BABAM2: variants seen among roughly 807,000 people sequenced by gnomAD.
The protein encoded by BABAM2 is BRISC and BRCA1 A complex member 2, also known as BRISC and BRCA1-A complex member 2.
BABAM2 carries 31 observed loss-of-function variants against 54.7 expected under a neutral mutation model. The ratio of observed to expected loss-of-function variants is 0.57; its 90% CI spans 0.43 to 0.77. The LOEUF (loss-of-function observed/expected upper bound fraction) is 0.77. BABAM2 is among the 30% of genes least tolerant of loss of function. The pLI, the probability that BABAM2 is intolerant of heterozygous loss-of-function variation, is 0.00. For synonymous variants in BABAM2, 167 were observed against 162.9 expected (o/e 1.03, Z -0.19); for missense variants, 364 against 455.8 (o/e 0.80, Z 1.83).
intron 3 of BABAM2, among the ~76,000 whole-genome samples, chr2:27,933,255 A>T (rs1011256944): frequency 6.6e-6 from 1 of 152,136 alleles, no homozygotes; most frequent in South Asian, 2.1e-4. Flanking sequence ...GGATATCGTC[A>T]TTATACATTG....
At chr2:28,102,063 GA>G (rs1431958996) in intron 6 of BABAM2, among the ~76,000 whole-genome samples, 1 of 152,152 alleles carries the variant, frequency 6.6e-6, no homozygotes, top group East Asian at 1.9e-4. Context: ...GGCTATTTAT[GA>G]ATTGGCTGAC....
chr2:28,026,826 A>ATATAAATATATATT, intron 5 of BABAM2, among the ~76,000 whole-genome samples: 1 of 68,058 alleles, frequency 1.5e-5, no homozygotes, highest in Non-Finnish European at 2.5e-5. Flanking sequence ...ATATATTTAT[A>ATATAAATATATATT]TATATAAATA....
At chr2:28,172,112 TGTG>T (rs1558403971) in intron 7 of BABAM2, among the ~76,000 whole-genome samples, 1 of 150,810 alleles carries the variant, frequency 6.6e-6, no homozygotes, top group Non-Finnish European at 1.5e-5. Flanking sequence ...TGTGTGTGTG[TGTG>T]GTGTGTGTGT....
chr2:27,993,270 G>A (rs1672903812), intron 4 of BABAM2, among the ~76,000 whole-genome samples: 1 of 152,198 alleles, frequency 6.6e-6, no homozygotes, highest in African/African-American at 2.4e-5. Flanking sequence ...AATTTGAAGA[G>A]TGCCTGGTAT....
Position 28,325,167 on chromosome 2 carries a change from C to T in BABAM2, c.1089-13283C>T, listed in dbSNP as rs556196520. On this transcript the variant is annotated intron_variant, in intron 11 of 11. Coordinates refer to ENST00000379624, the MANE Select transcript of BABAM2 (RefSeq NM_199191.3). This position sits in a 1 kb window ranked among gnomAD's most constrained non-coding sequence, Gnocchi z 4.3. ...CCACTGTTTGAACAAGCCTTCTTTACACCATGTGTGGATATCATTCATCCA... is the reference window on the plus strand; with the variant it reads ...CCACTGTTTGAACAAGCCTTCTTTATACCATGTGTGGATATCATTCATCCA... Among the ~76,000 whole-genome samples the T allele has an allele frequency of 2.0e-5, 3 of 152,346 alleles. No homozygotes were observed. The highest frequency in any genetic ancestry group is 4.1e-4 in the South Asian group (2 of 4,824).
Position 28,016,239 on chromosome 2 carries a change from T to C in BABAM2, c.301-8987T>C, listed in dbSNP as rs199632598. 2,077 of 918,778 alleles carry C rather than the reference T, an allele frequency of 2.3e-3. 13 individuals carry two copies. The Middle Eastern group carries it at 0.03, about 13-fold the overall frequency. The allele number at this position is 918,778 out of a possible 1,614,324, so 56.9% of individuals were successfully genotyped here. A position where few individuals can be genotyped will look rare whatever the true frequency, so the allele number is the denominator to read the frequency against. On this transcript the variant is annotated intron_variant, in intron 4 of 11. Coordinates refer to ENST00000379624, the MANE Select transcript of BABAM2 (RefSeq NM_199191.3). The stretch of plus-strand genomic sequence containing the variant: ...TTTTTGGATGAGCTCTCACTTGCAC[T>C]TAACAATTTCCCCCTGTGTTTTTCT...
chr2:28,212,446 C>A (rs1394427394), intron 7 of BABAM2, among the ~76,000 whole-genome samples: 1 of 152,192 alleles, frequency 6.6e-6, no homozygotes, highest in African/African-American at 2.4e-5. Flanking sequence ...AGTGAAGTCT[C>A]TCTTTTACCC....
chr2:27,974,003 AGATT>A (rs1373887284), intron 3 of BABAM2, among the ~76,000 whole-genome samples: 14 of 152,230 alleles, frequency 9.2e-5, no homozygotes, highest in African/African-American at 3.1e-4. Flanking sequence ...AGAAAGAAAT[AGATT>A]ATCTGATTAA....
intron 8 of BABAM2, among the ~76,000 whole-genome samples, chr2:28,240,612 G>A (rs1048198585): frequency 6.6e-6 from 1 of 152,110 alleles, no homozygotes; most frequent in Non-Finnish European, 1.5e-5. Flanking sequence ...GCTCACACCT[G>A]TAATCCTAGG....
intron 4 of BABAM2, among the ~76,000 whole-genome samples, chr2:28,005,144 T>C (rs947719100): frequency 6.6e-6 from 1 of 152,194 alleles, no homozygotes; most frequent in Admixed American, 6.5e-5. Context: ...TATATTTTTA[T>C]TGATATATAA....
chr2:28,155,897 A>G (rs572324689), intron 7 of BABAM2, among the ~76,000 whole-genome samples: 1 of 152,272 alleles, frequency 6.6e-6, no homozygotes, highest in South Asian at 2.1e-4. Context: ...GGAAGTGTGA[A>G]ATTAGTTGTT....
Position 28,304,200 on chromosome 2 carries a change from C to T in BABAM2, c.1088+5709C>T, listed in dbSNP as rs1235999216. Among the ~76,000 whole-genome samples, 2 of 150,740 alleles carry T rather than the reference C, an allele frequency of 1.3e-5. No homozygotes were observed. The highest frequency in any genetic ancestry group is 4.8e-5 in the African/African-American group (2 of 41,278). ...CCTTCCTAGTAGCTGGGATTACAGG[C>T]GCCCGCCACTATGCCCGGCCAATTT... On this transcript the variant is annotated intron_variant, in intron 11 of 11. Transcript: ENST00000379624. This position sits in a 1 kb window ranked among gnomAD's most constrained non-coding sequence, Gnocchi z 4.0.
At chr2:28,061,275 A>G (rs1678839297) in intron 6 of BABAM2, among the ~76,000 whole-genome samples, 1 of 151,972 alleles carries the variant, frequency 6.6e-6, no homozygotes. Context: ...GAACAATTGG[A>G]TATCTATATT....
At chr2:28,159,346 C>A (rs536933225) in intron 7 of BABAM2, among the ~76,000 whole-genome samples, 2 of 152,072 alleles carry the variant, frequency 1.3e-5, no homozygotes, top group Admixed American at 6.5e-5. Context: ...GAGGTGTGCA[C>A]GTAGAACCAT....
chr2:28,312,178 A>G (rs138741954), intron 11 of BABAM2, among the ~76,000 whole-genome samples: 1 of 152,276 alleles, frequency 6.6e-6, no homozygotes, highest in East Asian at 1.9e-4. Flanking sequence ...GCATCAAAGA[A>G]CCATCAGGAT....
At chr2:28,150,884 TA>T (rs1055667828) in intron 7 of BABAM2, among the ~76,000 whole-genome samples, 2 of 152,084 alleles carry the variant, frequency 1.3e-5, no homozygotes, top group East Asian at 1.9e-4. Flanking sequence ...ATGTATTTTT[TA>T]AAAAAAACAA....
intron 2 of BABAM2, chr2:27,896,550 C>T (rs1665338905): frequency 6.6e-6 from 1 of 152,478 alleles, no homozygotes; most frequent in African/African-American, 2.4e-5. Context: ...AGAGTTAGAT[C>T]CATCACACAC....
chr2:27,947,841 A>G (rs1669414673), intron 3 of BABAM2, among the ~76,000 whole-genome samples: 1 of 152,196 alleles, frequency 6.6e-6, no homozygotes, highest in Admixed American at 6.5e-5. Flanking sequence ...CATCTGATGA[A>G]AAGAATGCTC....
rs552085511 is a variant in BABAM2, at chr2:27,907,745, T to C, written c.128+13061T>C. 4.6e-5 allele frequency among the ~76,000 whole-genome samples: 7 copies of C among 152,334 alleles called. No homozygotes were observed. The East Asian group carries it at 1.3e-3, about 29-fold the overall frequency. On this transcript the variant is annotated intron_variant, in intron 2 of 11. Coordinates refer to ENST00000379624, the MANE Select transcript of BABAM2 (RefSeq NM_199191.3). ...TATCTGTCTCTGAATGTGACTACTT[T>C]AGGTACCTCACTTGATGTAAGTGAG...
Sources: gnomAD v4.1 joint callset for allele counts (sites outside exome capture counted in the v4.1 genomes callset) on GRCh38, gnomAD v4.1.1 for gene constraint, Gnocchi (gnomAD v3.1) non-coding constraint, MANE v1.5 for transcripts, NCBI Gene and HGNC (gene_info 2026-07-23, HGNC 2026-07-21) for gene names.